Variants in VTI1A observed in about 807,000 individuals in gnomAD.
VTI1A encodes vesicle transport through interaction with t-SNAREs 1A.
VTI1A carries 22 observed loss-of-function variants against 34.9 expected under a neutral mutation model. That is an observed-to-expected ratio of 0.63 (90% CI 0.45 to 0.90). VTI1A has a LOEUF of 0.90. Ranked by LOEUF, VTI1A falls within the 40% of genes least tolerant of loss-of-function variation. The probability of loss-of-function intolerance (pLI) is 0.00; values close to 1 mark genes in which losing one functional copy is unlikely to be tolerated. For synonymous variants in VTI1A, 87 were observed against 97.3 expected (o/e 0.89, Z 0.62); for missense variants, 268 against 275.6 (o/e 0.97, Z 0.20).
At chr10:112,688,095 A>G (rs905065593) in intron 7 of VTI1A, among the ~76,000 whole-genome samples, 3 of 151,726 alleles carry the variant, frequency 2.0e-5, no homozygotes, top group African/African-American at 7.3e-5. Context: ...CTGGGATTAC[A>G]GATGTGCGCC....
chr10:112,457,445 G>A (rs1828312039), intron 1 of VTI1A, among the ~76,000 whole-genome samples: 2 of 152,170 alleles, frequency 1.3e-5, no homozygotes, highest in Non-Finnish European at 1.5e-5. Flanking sequence ...GTTCATGTGA[G>A]GGATAAATCA....
At chr10:112,538,437 G>T in intron 5 of VTI1A, 107 bp downstream of exon 5, 1 of 1,034,124 alleles carries the variant, frequency 9.7e-7, no homozygotes, top group Non-Finnish European at 1.5e-6. Flanking sequence ...AGCAGCCCGA[G>T]ATGTGGTTTA....
In VTI1A at chr10:112,460,541, G is replaced by T. The variant is rs1232455337; in HGVS notation, c.112G>T (p.Val38Phe). The change falls in exon 2 of 8, where the codon GTT becomes TTT. Residue 38 changes from valine to phenylalanine, a missense_variant. Coordinates refer to ENST00000393077, the MANE Select transcript of VTI1A (RefSeq NM_145206.4). Reference protein sequence around the residue: ...RLPPDEKKQMVANVEKQLEEA... With the variant: ...RLPPDEKKQMFANVEKQLEEA... The stretch of plus-strand genomic sequence containing the variant: ...TGTTTCAGATGAAAAGAAACAGATG[G>T]TTGCAAATGTGGAGAAACAGCTTGA... The T allele has an allele frequency of 1.2e-6, 2 of 1,609,456 alleles. No individual in the cohort carries two copies. Among genetic ancestry groups the T allele is most frequent in the Non-Finnish European group, 1.7e-6 (2 of 1,178,164 alleles).
chr10:112,665,453 T>C (rs1319333366), intron 5 of VTI1A, among the ~76,000 whole-genome samples: 1 of 152,178 alleles, frequency 6.6e-6, no homozygotes, highest in Non-Finnish European at 1.5e-5. Flanking sequence ...AGAATTGTGT[T>C]TCCAACAGTG....
chr10:112,527,588 G>A (rs1850279093), intron 4 of VTI1A, among the ~76,000 whole-genome samples: 1 of 151,890 alleles, frequency 6.6e-6, no homozygotes, highest in Admixed American at 6.6e-5. Context: ...ATTCAACAGG[G>A]CAGCCCAATC....
chr10:112,592,921 A>G (rs1844449108), intron 5 of VTI1A, among the ~76,000 whole-genome samples: 2 of 152,226 alleles, frequency 1.3e-5, no homozygotes, highest in South Asian at 4.1e-4. Context: ...TGCTGTGAAG[A>G]CTATAATCAG....
chr10:112,806,330 G>C (rs1853077160), intron 7 of VTI1A, among the ~76,000 whole-genome samples: 1 of 152,074 alleles, frequency 6.6e-6, no homozygotes, highest in African/African-American at 2.4e-5. Context: ...CTGTCACCCA[G>C]GGTGGAGTGC....
At chr10:112,538,207 C>T (rs372983184) in intron 4 of VTI1A, 39 bp from the exon 5 acceptor site, 4 of 1,570,246 alleles carry the variant, frequency 2.5e-6, no homozygotes, top group Non-Finnish European at 8.7e-7. Context: ...ACATTGTAGA[C>T]GGCCGTCTGA....
intron 3 of VTI1A, among the ~76,000 whole-genome samples, chr10:112,469,307 G>A (rs979648478): frequency 6.6e-6 from 1 of 151,158 alleles, no homozygotes. Flanking sequence ...TTTCCTAATC[G>A]TCCCACTCCT....
At chr10:112,715,082 C>T (rs1283529374) in intron 7 of VTI1A, among the ~76,000 whole-genome samples, 1 of 152,034 alleles carries the variant, frequency 6.6e-6, no homozygotes, top group African/African-American at 2.4e-5. Context: ...TTCTTATAGT[C>T]ATTTTTTTTA....
intron 5 of VTI1A, among the ~76,000 whole-genome samples, chr10:112,597,679 G>A (rs1337428849): frequency 7.5e-5 from 11 of 146,016 alleles, no homozygotes; most frequent in Non-Finnish European, 1.5e-4. Flanking sequence ...GGGCAACATA[G>A]TGAGACCTTG....
chr10:112,521,859 T>C (rs1198238439), intron 3 of VTI1A, among the ~76,000 whole-genome samples: 1 of 152,062 alleles, frequency 6.6e-6, no homozygotes, highest in Non-Finnish European at 1.5e-5. Context: ...TTTTCTGGAC[T>C]GTGTAAGCTT....
At chr10:112,828,753 T>G in the VTI1A span, among the ~76,000 whole-genome samples, 1 of 151,642 alleles carries the variant, frequency 6.6e-6, no homozygotes, top group African/African-American at 2.4e-5. Flanking sequence ...GTCTCATGCC[T>G]GTAATCCCAG....
intron 5 of VTI1A, among the ~76,000 whole-genome samples, chr10:112,650,762 G>A (rs530323573): frequency 9.2e-5 from 14 of 152,144 alleles, no homozygotes; most frequent in Non-Finnish European, 1.8e-4. Context: ...GTAGTCCCTC[G>A]TTGACCAAAA....
intron 5 of VTI1A, among the ~76,000 whole-genome samples, chr10:112,584,353 A>G (rs1324659884): frequency 6.6e-6 from 1 of 152,218 alleles, no homozygotes; most frequent in Admixed American, 6.5e-5. Flanking sequence ...TGAACTCTGG[A>G]AGTCAAGCCA....
At chr10:112,571,964 A>G in intron 5 of VTI1A, among the ~76,000 whole-genome samples, 1 of 152,350 alleles carries the variant, frequency 6.6e-6, no homozygotes, top group East Asian at 1.9e-4. Context: ...TGGGAACAGC[A>G]GACACTGGAG....
At chr10:112,570,708 C>T (rs1470543131) in intron 5 of VTI1A, among the ~76,000 whole-genome samples, 1 of 152,196 alleles carries the variant, frequency 6.6e-6, no homozygotes, top group African/African-American at 2.4e-5. Context: ...TATTTTTGTG[C>T]TAATTTTCTC....
intron 5 of VTI1A, among the ~76,000 whole-genome samples, chr10:112,614,149 T>C (rs938810136): frequency 6.6e-5 from 10 of 152,232 alleles, no homozygotes; most frequent in Non-Finnish European, 1.3e-4. Context: ...GTTCGTTAGT[T>C]AAAGAAGGGA....
intron 3 of VTI1A, among the ~76,000 whole-genome samples, chr10:112,483,789 G>C (rs1848527519): frequency 6.6e-6 from 1 of 152,122 alleles, no homozygotes; most frequent in African/African-American, 2.4e-5. Context: ...GAGAGAGAGA[G>C]AGAGAGAATA....
Sources: gnomAD v4.1 joint callset for allele counts (sites outside exome capture counted in the v4.1 genomes callset) on GRCh38, gnomAD v4.1.1 for gene constraint, MANE v1.5 for transcripts, NCBI Gene and HGNC (gene_info 2026-07-23, HGNC 2026-07-21) for gene names.